Variants in EYS observed in about 807,000 individuals in gnomAD.
The protein encoded by EYS is EGF-like photoreceptor maintenance factor, also known as protein eyes shut homolog.
In EYS, 250 loss-of-function variants were observed where a neutral mutation model predicts 282.1. That is an observed-to-expected ratio of 0.89 (90% CI 0.80 to 0.98). The LOEUF is 0.98. Ranked by LOEUF, EYS falls within the 50% of genes least tolerant of loss-of-function variation. EYS has a pLI of 0.00. For missense variants in EYS, 4,016 were observed against 3,709.0 expected (o/e 1.08, Z -2.15); for synonymous variants, 1,355 against 1,282.9 (o/e 1.06, Z -1.20).
chr6:65,572,166 T>A (rs1219348046), intron 2 of EYS, among the ~76,000 whole-genome samples: 1 of 152,024 alleles, frequency 6.6e-6, no homozygotes, highest in Non-Finnish European at 1.5e-5. Context: ...AATATGACAG[T>A]GTAGACAAGC....
chr6:65,075,344 T>G (rs1329436945), intron 12 of EYS, among the ~76,000 whole-genome samples: 1 of 152,070 alleles, frequency 6.6e-6, no homozygotes, highest in Non-Finnish European at 1.5e-5. Context: ...AACACAAAAT[T>G]TCTTCACATT....
At chr6:64,864,951 G>C (rs79742358) in intron 19 of EYS, among the ~76,000 whole-genome samples, 5,652 of 151,972 alleles carry the variant, frequency 0.037, 185 homozygotes, top group East Asian at 0.16. Context: ...CGAATTGCTT[G>C]CACCTGAGAG....
intron 31 of EYS, among the ~76,000 whole-genome samples, chr6:64,155,743 G>A (rs1024942013): frequency 2.0e-5 from 3 of 152,086 alleles, no homozygotes; most frequent in African/African-American, 7.2e-5. Context: ...TTTAAAATGT[G>A]TATATTTTAT....
chr6:64,225,577 C>CTTT (rs1766229759), intron 31 of EYS, among the ~76,000 whole-genome samples: 1 of 152,040 alleles, frequency 6.6e-6, no homozygotes, highest in Non-Finnish European at 1.5e-5. Flanking sequence ...CCAAAAGATG[C>CTTT]AGACATCTTC....
At chr6:64,214,831 G>T (rs965286905) in intron 31 of EYS, among the ~76,000 whole-genome samples, 1 of 151,972 alleles carries the variant, frequency 6.6e-6, no homozygotes, top group Non-Finnish European at 1.5e-5. Flanking sequence ...AGGTTAACTA[G>T]TAAGTCCTTG....
At chr6:65,091,804 G>A (rs892780562) in intron 12 of EYS, among the ~76,000 whole-genome samples, 6 of 151,988 alleles carry the variant, frequency 3.9e-5, no homozygotes, top group South Asian at 2.1e-4. Flanking sequence ...GTAGCCATTC[G>A]GTTGTAACCT....
At chr6:65,380,273 A>G (rs1226003690) in intron 8 of EYS, among the ~76,000 whole-genome samples, 1 of 152,166 alleles carries the variant, frequency 6.6e-6, no homozygotes, top group Non-Finnish European at 1.5e-5. Context: ...CAAAATAGAT[A>G]TATAGACCAA....
intron 30 of EYS, among the ~76,000 whole-genome samples, chr6:64,262,586 A>G (rs1411603045): frequency 6.6e-6 from 1 of 151,970 alleles, no homozygotes; most frequent in Non-Finnish European, 1.5e-5. Context: ...TATTTTTTAA[A>G]CATTCCCTCC....
At chr6:64,975,322 T>C (rs532199402) in intron 14 of EYS, among the ~76,000 whole-genome samples, 11 of 151,948 alleles carry the variant, frequency 7.2e-5, no homozygotes, top group Non-Finnish European at 1.3e-4. Flanking sequence ...ACTATAAATA[T>C]AAATAATGTA....
intron 2 of EYS, among the ~76,000 whole-genome samples, chr6:65,607,662 T>TCC (rs1554216449): frequency 1.5e-5 from 1 of 67,454 alleles, no homozygotes; most frequent in Non-Finnish European, 5.7e-5. Context: ...AGATAATTAA[T>TCC]GTTTTAATAT....
chr6:64,164,129 G>C (rs1775194100), intron 31 of EYS, among the ~76,000 whole-genome samples: 1 of 152,062 alleles, frequency 6.6e-6, no homozygotes, highest in Admixed American at 6.6e-5. Context: ...CAAATGTAGT[G>C]ATTGAAATGA....
At chr6:65,327,799 C>T (rs982833463) in intron 11 of EYS, among the ~76,000 whole-genome samples, 6 of 151,450 alleles carry the variant, frequency 4.0e-5, no homozygotes, top group Admixed American at 1.3e-4. Flanking sequence ...TCTTTGCACT[C>T]ATACACAGAA....
intron 31 of EYS, among the ~76,000 whole-genome samples, chr6:64,173,122 C>G (rs191021091): frequency 9.7e-4 from 147 of 152,194 alleles, no homozygotes; most frequent in African/African-American, 3.4e-3. Context: ...AACTCATAGT[C>G]TTGAGTATTC....
At chr6:63,814,404 A>G (rs1042368989) in intron 36 of EYS, among the ~76,000 whole-genome samples, 2 of 152,210 alleles carry the variant, frequency 1.3e-5, no homozygotes, top group African/African-American at 4.8e-5. Context: ...GAATTCACCC[A>G]CAGGTATAAA....
chr6:64,518,863 T>A (rs1468651818), intron 26 of EYS, among the ~76,000 whole-genome samples: 2 of 151,504 alleles, frequency 1.3e-5, no homozygotes, highest in African/African-American at 2.4e-5. Flanking sequence ...TTTGCCATAA[T>A]TGTAAGTTTC....
intron 2 of EYS, among the ~76,000 whole-genome samples, chr6:65,622,471 G>C (rs755549021): frequency 1.3e-5 from 2 of 151,840 alleles, no homozygotes; most frequent in Non-Finnish European, 1.5e-5. Flanking sequence ...TAAAATAATA[G>C]TAGTAGCTAC....
chr6:63,892,590 T>C (rs948137234), intron 35 of EYS, among the ~76,000 whole-genome samples: 3 of 152,108 alleles, frequency 2.0e-5, no homozygotes, highest in African/African-American at 7.2e-5. Context: ...CAAAATGAAT[T>C]AAACATTTAA....
intron 35 of EYS, among the ~76,000 whole-genome samples, chr6:63,906,423 C>T (rs1773780062): frequency 6.6e-6 from 1 of 152,122 alleles, no homozygotes; most frequent in South Asian, 2.1e-4. Flanking sequence ...TTTCTTTATA[C>T]CTTGCTTCTC....
At chr6:64,334,205 C>T (rs1770753249) in intron 29 of EYS, among the ~76,000 whole-genome samples, 1 of 152,114 alleles carries the variant, frequency 6.6e-6, no homozygotes, top group African/African-American at 2.4e-5. Context: ...CAATTAGATG[C>T]TCCAACTGTT....
Sources: allele counts gnomAD v4.1 joint callset (sites outside exome capture counted in the v4.1 genomes callset), GRCh38; gene constraint gnomAD v4.1.1; transcripts MANE v1.5; gene names NCBI Gene and HGNC (gene_info 2026-07-23, HGNC 2026-07-21).